RSRC1: variants seen among roughly 807,000 people sequenced by gnomAD.
RSRC1 encodes the protein arginine and serine rich coiled-coil 1.
RSRC1 carries 39 observed loss-of-function variants against 49.1 expected under a neutral mutation model. The ratio of observed to expected loss-of-function variants is 0.79; its 90% confidence interval spans 0.61 to 1.04. RSRC1 has a LOEUF of 1.04. Among genes scored for constraint, RSRC1 ranks in the 50% least tolerant of loss-of-function variants. The pLI is 0.00. For synonymous variants in RSRC1, 143 were observed against 130.8 expected (o/e 1.09, Z -0.63); for missense variants, 388 against 402.4 (o/e 0.96, Z 0.31).
intron 4 of RSRC1, among the ~76,000 whole-genome samples, chr3:158,281,044 T>A (rs1726128282): frequency 6.6e-6 from 1 of 152,108 alleles, no homozygotes; most frequent in Non-Finnish European, 1.5e-5. Flanking sequence ...TATGACAGAA[T>A]TAAGAAAGAC....
chr3:158,250,128 A>G (rs1481001428), intron 4 of RSRC1, among the ~76,000 whole-genome samples: 19 of 152,196 alleles, frequency 1.2e-4, no homozygotes, highest in Admixed American at 1.1e-3. Flanking sequence ...CAGCTGTGTT[A>G]TTGTAAATTA....
At chr3:158,513,731 CTGTGAA>C (rs1740322419) in intron 7 of RSRC1, among the ~76,000 whole-genome samples, 1 of 152,200 alleles carries the variant, frequency 6.6e-6, no homozygotes, top group South Asian at 2.1e-4. Context: ...ATTCATCTGG[CTGTGAA>C]TCCATCTGGT....
At chr3:158,492,131 G>A (rs1466611699) in intron 7 of RSRC1, among the ~76,000 whole-genome samples, 1 of 152,108 alleles carries the variant, frequency 6.6e-6, no homozygotes, top group Admixed American at 6.5e-5. Flanking sequence ...GCGAGCAAGG[G>A]GGAACTGTCA....
rs770507537 is a variant in RSRC1, at chr3:158,122,206, A to G, written c.102A>G (p.Thr34=). The G allele has an allele frequency of 4.4e-6, 7 of 1,608,968 alleles. No individual in the cohort carries two copies. Among genetic ancestry groups the G allele is most frequent in the Middle Eastern group, 1.7e-4 (1 of 6,048 alleles). The change falls in exon 2 of 10, where the codon ACA becomes ACG. Residue 34 remains threonine (T), a synonymous_variant. Coordinates refer to ENST00000611884, the MANE Select transcript of RSRC1 (RefSeq NM_001271838.2). ...CGAGCAGTTCTTCAGATAGTAGAACATACAGCCGAAAGAAAGGAGGAAGGA... is the reference window on the plus strand; with the variant it reads ...CGAGCAGTTCTTCAGATAGTAGAACGTACAGCCGAAAGAAAGGAGGAAGGA... ...SSSSSSSDSR[T]YSRKKGGRKS... is the part of the protein sequence containing the mutation.
At chr3:158,412,129 G>T (rs1451088410) in intron 6 of RSRC1, among the ~76,000 whole-genome samples, 1 of 151,990 alleles carries the variant, frequency 6.6e-6, no homozygotes, top group African/African-American at 2.4e-5. Flanking sequence ...AAAGACATTA[G>T]AAAGGGATTT....
intron 6 of RSRC1, among the ~76,000 whole-genome samples, chr3:158,379,479 C>T (rs565850858): frequency 8.7e-4 from 132 of 152,220 alleles, no homozygotes; most frequent in Non-Finnish European, 2.8e-4. Flanking sequence ...GGATTACAGG[C>T]ATGAGCCACC....
chr3:158,228,376 A>G (rs1447582352), intron 4 of RSRC1, among the ~76,000 whole-genome samples: 2 of 151,978 alleles, frequency 1.3e-5, no homozygotes, highest in Non-Finnish European at 2.9e-5. Flanking sequence ...ATATTTGTTA[A>G]TTGAGCAGTT....
intron 3 of RSRC1, 126 bp from the exon 4 acceptor site, chr3:158,202,946 G>A (rs1000786382): frequency 3.4e-5 from 21 of 611,154 alleles, no homozygotes; most frequent in Middle Eastern, 4.5e-4. Flanking sequence ...CTTGCTTCAC[G>A]TGGTTATTTA....
At chr3:158,258,711 C>G (rs191988605) in intron 4 of RSRC1, among the ~76,000 whole-genome samples, 2 of 152,208 alleles carry the variant, frequency 1.3e-5, no homozygotes, top group African/African-American at 4.8e-5. Context: ...TTTTCTGGAT[C>G]TTGTAGGTGT....
intron 4 of RSRC1, among the ~76,000 whole-genome samples, chr3:158,208,514 C>T (rs1721477312): frequency 6.6e-6 from 1 of 152,084 alleles, no homozygotes; most frequent in Non-Finnish European, 1.5e-5. Context: ...CAAGTGTTCA[C>T]CACGAAACTT....
At chr3:158,371,207 C>T (rs898193858) in intron 6 of RSRC1, among the ~76,000 whole-genome samples, 4 of 151,714 alleles carry the variant, frequency 2.6e-5, no homozygotes, top group Admixed American at 1.3e-4. Flanking sequence ...TCTCCCAGTC[C>T]TTGTCTTGCT....
intron 4 of RSRC1, among the ~76,000 whole-genome samples, chr3:158,204,468 A>T (rs372302772): frequency 6.6e-6 from 1 of 152,172 alleles, no homozygotes; most frequent in Non-Finnish European, 1.5e-5. Flanking sequence ...GGATTGTGAA[A>T]TGTTACAGGA....
intron 4 of RSRC1, among the ~76,000 whole-genome samples, chr3:158,207,662 T>TAGATAGATAGATAGACAGACAGACAGAC (rs55689613): frequency 6.0e-5 from 9 of 148,948 alleles, no homozygotes; most frequent in African/African-American, 2.0e-4. Context: ...GATAGATAGA[T>TAGATAGATAGATAGACAGACAGACAGAC]AGACAGAGAG....
chr3:158,205,366 T>A (rs1721289788), intron 4 of RSRC1, among the ~76,000 whole-genome samples: 1 of 152,136 alleles, frequency 6.6e-6, no homozygotes. Flanking sequence ...CATGTTAATT[T>A]TTGTTAAATA....
intron 3 of RSRC1, among the ~76,000 whole-genome samples, chr3:158,143,936 C>A (rs1011417374): frequency 2.6e-5 from 4 of 152,170 alleles, no homozygotes; most frequent in Admixed American, 1.3e-4. Context: ...AAAAATATGA[C>A]TGAATTGGTG....
chr3:158,431,360 C>CA (rs1241256592), intron 6 of RSRC1, among the ~76,000 whole-genome samples: 4 of 151,778 alleles, frequency 2.6e-5, no homozygotes, highest in African/African-American at 9.7e-5. Context: ...GCAGCACACT[C>CA]AAAGAACAAA....
intron 4 of RSRC1, among the ~76,000 whole-genome samples, chr3:158,230,673 C>A (rs1463934268): frequency 6.6e-6 from 1 of 152,068 alleles, no homozygotes; most frequent in Non-Finnish European, 1.5e-5. Flanking sequence ...TGTTATGATA[C>A]AGAATTATAA....
chr3:158,134,696 A>G (rs1292631651), intron 3 of RSRC1, among the ~76,000 whole-genome samples: 2 of 152,184 alleles, frequency 1.3e-5, no homozygotes, highest in Admixed American at 6.6e-5. Flanking sequence ...GTCCTTGGCA[A>G]TGTGTAACTA....
chr3:158,445,123 A>G (rs961751744), intron 6 of RSRC1, among the ~76,000 whole-genome samples: 3 of 152,324 alleles, frequency 2.0e-5, no homozygotes, highest in African/African-American at 7.2e-5. Flanking sequence ...AGAACTAGAA[A>G]TACCATTTGA....
Sources: gnomAD v4.1 joint callset for allele counts (sites outside exome capture counted in the v4.1 genomes callset) on GRCh38, gnomAD v4.1.1 for gene constraint, MANE v1.5 for transcripts, NCBI Gene and HGNC (gene_info 2026-07-23, HGNC 2026-07-21) for gene names.